Variants in SOX5 observed in about 807,000 individuals in gnomAD.
SOX5 encodes the protein SRY-box transcription factor 5.
SOX5 carries 9 observed loss-of-function variants against 92.0 expected under a neutral mutation model. The observed-to-expected ratio is 0.10, with a 90% CI of 0.06 to 0.17. The LOEUF (loss-of-function observed/expected upper bound fraction) is 0.17. Ranked by LOEUF, SOX5 falls within the 10% of genes least tolerant of loss-of-function variation. The pLI, the probability that SOX5 is intolerant of heterozygous loss-of-function variation, is 1.00. For synonymous variants in SOX5, 344 were observed against 336.3 expected (o/e 1.02, Z -0.25); for missense variants, 642 against 944.5 (o/e 0.68, Z 4.20).
intron 2 of SOX5, among the ~76,000 whole-genome samples, chr12:24,300,014 T>C (rs988404994): frequency 2.0e-5 from 3 of 152,202 alleles, no homozygotes; most frequent in Non-Finnish European, 4.4e-5. Context: ...TACAAGCTTT[T>C]CCTTAGGAAC....
chr12:24,491,813 C>G (rs1179696144), intron 1 of SOX5, among the ~76,000 whole-genome samples: 1 of 152,094 alleles, frequency 6.6e-6, no homozygotes. Flanking sequence ...AAGGAAAACA[C>G]TTTATTTTTT....
At chr12:23,673,824 G>A (rs888571487) in intron 6 of SOX5, among the ~76,000 whole-genome samples, 1 of 152,004 alleles carries the variant, frequency 6.6e-6, no homozygotes, top group East Asian at 1.9e-4. Flanking sequence ...TGATGAAAAT[G>A]TTCTGGAATT....
intron 4 of SOX5, among the ~76,000 whole-genome samples, chr12:24,128,868 A>G (rs896159049): frequency 6.6e-6 from 1 of 152,178 alleles, no homozygotes; most frequent in African/African-American, 2.4e-5. Context: ...GAGAGTAGGC[A>G]AAGTGGCCAG....
At chr12:23,923,429 C>T (rs1033477997) in intron 1 of SOX5, among the ~76,000 whole-genome samples, 1 of 152,188 alleles carries the variant, frequency 6.6e-6, no homozygotes, top group South Asian at 2.1e-4. Context: ...GGTAGACAAA[C>T]AGCTAGATAA....
intron 1 of SOX5, among the ~76,000 whole-genome samples, chr12:24,473,827 G>T (rs1322699920): frequency 6.6e-6 from 1 of 152,064 alleles, no homozygotes; most frequent in Non-Finnish European, 1.5e-5. Flanking sequence ...ATCTATAATC[G>T]AAGATAGAGT....
At chr12:24,019,952 G>C (rs1954098743) in intron 4 of SOX5, among the ~76,000 whole-genome samples, 1 of 152,160 alleles carries the variant, frequency 6.6e-6, no homozygotes, top group African/African-American at 2.4e-5. Flanking sequence ...GATGTATCCT[G>C]GTTCCACACT....
chr12:24,224,323 C>T (rs1961337081), intron 3 of SOX5, among the ~76,000 whole-genome samples: 1 of 151,926 alleles, frequency 6.6e-6, no homozygotes, highest in African/African-American at 2.4e-5. Flanking sequence ...GAAGCTGACA[C>T]AGTTTTTTTC....
intron 1 of SOX5, among the ~76,000 whole-genome samples, chr12:23,943,373 T>C (rs1944000287): frequency 6.6e-6 from 1 of 152,006 alleles, no homozygotes; most frequent in Admixed American, 6.6e-5. Flanking sequence ...AACATTTCAG[T>C]ACAAGGCATT....
intron 2 of SOX5, among the ~76,000 whole-genome samples, chr12:23,862,138 C>A (rs572652792): frequency 1.3e-5 from 2 of 151,976 alleles, no homozygotes; most frequent in Non-Finnish European, 2.9e-5. Flanking sequence ...AAATAAATTG[C>A]CTGAATAAAT....
intron 1 of SOX5, among the ~76,000 whole-genome samples, chr12:24,562,129 AC>A (rs1954427852): frequency 6.6e-6 from 1 of 151,214 alleles, no homozygotes; most frequent in Non-Finnish European, 1.5e-5. Flanking sequence ...CCTCTCCGCC[AC>A]CCCCAGCCCA....
chr12:24,153,403 C>A (rs760933839), intron 4 of SOX5, among the ~76,000 whole-genome samples: 2 of 152,084 alleles, frequency 1.3e-5, no homozygotes, highest in Non-Finnish European at 2.9e-5. Flanking sequence ...ATTTAATTAA[C>A]CTTATTACAA....
At chr12:24,340,424 T>C (rs1952448249) in intron 2 of SOX5, among the ~76,000 whole-genome samples, 2 of 152,228 alleles carry the variant, frequency 1.3e-5, no homozygotes, top group African/African-American at 2.4e-5. Context: ...AGAGACCAGC[T>C]TGACACAACG....
intron 1 of SOX5, among the ~76,000 whole-genome samples, chr12:24,395,362 T>A (rs1959650068): frequency 6.6e-6 from 1 of 151,926 alleles, no homozygotes; most frequent in African/African-American, 2.4e-5. Flanking sequence ...GAGAGAAGAG[T>A]TATTTTAGAA....
chr12:24,332,470 T>C (rs1951438763), intron 2 of SOX5, among the ~76,000 whole-genome samples: 2 of 151,962 alleles, frequency 1.3e-5, no homozygotes, highest in Admixed American at 6.6e-5. Flanking sequence ...TGGTCCCCAA[T>C]ACAATTTAGA....
intron 9 of SOX5, among the ~76,000 whole-genome samples, chr12:23,578,144 A>AAAAAAAAAAAC (rs1432589481): frequency 7.4e-6 from 1 of 134,908 alleles, no homozygotes; most frequent in Non-Finnish European, 1.6e-5. Flanking sequence ...AAAAAAAAAA[A>AAAAAAAAAAAC]AAAAAACTAT....
At chr12:23,984,959 G>T (rs981345925) in intron 4 of SOX5, among the ~76,000 whole-genome samples, 3 of 152,078 alleles carry the variant, frequency 2.0e-5, no homozygotes, top group Non-Finnish European at 4.4e-5. Flanking sequence ...TCAGACTTTG[G>T]CAATGACCTT....
At chr12:24,113,625 A>T (rs1947634008) in intron 4 of SOX5, among the ~76,000 whole-genome samples, 1 of 152,188 alleles carries the variant, frequency 6.6e-6, no homozygotes, top group Non-Finnish European at 1.5e-5. Context: ...AAAGATAAAA[A>T]GTTTAAAAAA....
intron 1 of SOX5, among the ~76,000 whole-genome samples, chr12:24,425,081 C>T (rs369808403): frequency 1.3e-4 from 20 of 152,188 alleles, no homozygotes; most frequent in Non-Finnish European, 2.8e-4. Context: ...GCTATTACTT[C>T]AAAATGATAT....
chr12:24,300,890 G>A (rs1189987257), intron 2 of SOX5, among the ~76,000 whole-genome samples: 1 of 152,084 alleles, frequency 6.6e-6, no homozygotes, highest in African/African-American at 2.4e-5. Context: ...TGCCTTAACT[G>A]GAATTTAATT....
Sources: allele counts gnomAD v4.1 joint callset (sites outside exome capture counted in the v4.1 genomes callset), GRCh38; gene constraint gnomAD v4.1.1; transcripts MANE v1.5; gene names NCBI Gene and HGNC (gene_info 2026-07-23, HGNC 2026-07-21).